The following ARHGEF6 variants were observed in gnomAD, a reference collection of about 807,000 sequenced individuals.
ARHGEF6 encodes the protein Rac/Cdc42 guanine nucleotide exchange factor 6, also known as rho guanine nucleotide exchange factor 6.
A neutral mutation model predicts 70.3 loss-of-function variants in ARHGEF6; 9 were observed. The observed-to-expected ratio is 0.13, with a 90% CI of 0.08 to 0.22. The LOEUF is 0.22. ARHGEF6 is among the 10% of genes least tolerant of loss of function. The pLI, the probability that ARHGEF6 is intolerant of heterozygous loss-of-function variation, is 1.00. For synonymous variants in ARHGEF6, 201 were observed against 207.8 expected (o/e 0.97, Z 0.28); for missense variants, 470 against 563.0 (o/e 0.83, Z 1.67).
intron 21 of ARHGEF6, among the ~76,000 whole-genome samples, chrX:136,668,371 T>C (rs1178873851): frequency 9.1e-6 from 1 of 110,301 alleles, no homozygotes; most frequent in Non-Finnish European, 1.9e-5. Flanking sequence ...CCTGCCCTGA[T>C]CCTCTTCTAA....
intron 5 of ARHGEF6, among the ~76,000 whole-genome samples, chrX:136,742,111 G>A (rs1298901991): frequency 2.7e-5 from 3 of 111,446 alleles, no homozygotes; most frequent in Non-Finnish European, 5.7e-5. Context: ...ACAAGGTCAG[G>A]AGATCAAGAC....
At chrX:136,705,254 T>C (rs1299043249) in intron 9 of ARHGEF6, among the ~76,000 whole-genome samples, 3 of 107,188 alleles carry the variant, frequency 2.8e-5, no homozygotes, top group East Asian at 2.9e-4. Flanking sequence ...GAGGTTGCAG[T>C]TGTGCTCCAG....
At chrX:136,701,864 C>T (rs766137338) in intron 9 of ARHGEF6, among the ~76,000 whole-genome samples, 21 of 108,445 alleles carry the variant, frequency 1.9e-4, no homozygotes, top group Admixed American at 1.6e-3. Flanking sequence ...CCCACCACCA[C>T]GCCCGGCTAA....
intron 19 of ARHGEF6, among the ~76,000 whole-genome samples, chrX:136,674,024 A>G (rs1247141430): frequency 9.0e-6 from 1 of 110,723 alleles, no homozygotes; most frequent in Non-Finnish European, 1.9e-5. Context: ...GCGCCATCAC[A>G]CCCGGCTAAC....
intron 2 of ARHGEF6, among the ~76,000 whole-genome samples, chrX:136,772,816 TTGTGCCACTGCAC>T (rs1250342533): frequency 8.9e-6 from 1 of 112,066 alleles, no homozygotes; most frequent in Non-Finnish European, 1.9e-5. Context: ...TGAGCCAAGA[TTGTGCCACTGCAC>T]TCCAGCCTGG....
chrX:136,777,761 T>TACACAC (rs376800070), intron 2 of ARHGEF6, among the ~76,000 whole-genome samples: 61 of 98,497 alleles, frequency 6.2e-4, no homozygotes, highest in Non-Finnish European at 9.2e-4. Flanking sequence ...TATGTATACA[T>TACACAC]ACACACACAC....
chrX:136,732,240 T>A (rs2076943182), intron 5 of ARHGEF6, 68 bp from the exon 6 acceptor site: 1 of 798,355 alleles, frequency 1.3e-6, no homozygotes, highest in African/African-American at 2.0e-5. Context: ...ATAACATGGG[T>A]CAACTAACAT....
chrX:136,765,597 G>C (rs1216434330), intron 2 of ARHGEF6, among the ~76,000 whole-genome samples: 1 of 112,412 alleles, frequency 8.9e-6, no homozygotes, highest in Non-Finnish European at 1.9e-5. Flanking sequence ...TAGGCAAAAA[G>C]AATAGAAAAA....
chrX:136,673,154 G>C (rs2076242325), intron 19 of ARHGEF6, among the ~76,000 whole-genome samples: 1 of 112,495 alleles, frequency 8.9e-6, no homozygotes, highest in Non-Finnish European at 1.9e-5. Context: ...AAGCAATCTA[G>C]AGATGATTTA....
At chrX:136,733,101 G>T (rs2076952086) in intron 5 of ARHGEF6, among the ~76,000 whole-genome samples, 1 of 106,860 alleles carries the variant, frequency 9.4e-6, no homozygotes, top group Non-Finnish European at 1.9e-5. Flanking sequence ...ATGACTAAAG[G>T]AAATCCTAGG....
At position 136,698,858 on chromosome X, in the gene ARHGEF6, G is replaced by A. The variant is rs192644743; in HGVS notation, c.1046+8050C>T. 2.6e-4 allele frequency among the ~76,000 whole-genome samples: 29 copies of A among 112,343 alleles called. No individual in the cohort carries two copies. The East Asian group carries it at 7.5e-3, about 29-fold the overall frequency. ...GGTAAATATGCAATTATGAAAGACA[G>A]TATAAATACATGCTTCTTCTTCTCT... is the stretch of plus-strand genomic sequence containing the variant. On this transcript the variant is annotated intron_variant, in intron 9 of 21. Coordinates refer to ENST00000250617, the MANE Select transcript of ARHGEF6 (RefSeq NM_004840.3).
At chrX:136,746,053 T>C (rs2077092528) in intron 3 of ARHGEF6, among the ~76,000 whole-genome samples, 1 of 112,193 alleles carries the variant, frequency 8.9e-6, no homozygotes, top group Non-Finnish European at 1.9e-5. Flanking sequence ...TCTCCATTTA[T>C]TTTTAAAAGA....
intron 6 of ARHGEF6, among the ~76,000 whole-genome samples, chrX:136,720,441 C>A (rs2076783563): frequency 9.2e-6 from 1 of 109,003 alleles, no homozygotes; most frequent in African/African-American, 3.3e-5. Context: ...AACATCCATT[C>A]ATGATTTTTT....
rs1252442800 is a variant in ARHGEF6 at position 136,722,498 on chromosome X, A to G, written c.733-9128T>C. On this transcript the variant is annotated intron_variant, in intron 6 of 21. Coordinates refer to ENST00000250617, the MANE Select transcript of ARHGEF6 (RefSeq NM_004840.3). ...ACAAAAATAATCAATTAAAGTTGGC[A>G]AAGAATTTGAATAGAAATTTCTCCA... is the stretch of plus-strand genomic sequence containing the variant. 4.5e-5 allele frequency among the ~76,000 whole-genome samples: 5 copies of G among 112,212 alleles called. No homozygotes were observed. The East Asian group carries it at 1.4e-3, about 31-fold the overall frequency.
At chrX:136,719,004 T>TA (rs35347859) in intron 6 of ARHGEF6, among the ~76,000 whole-genome samples, 11,243 of 60,020 alleles carry the variant, frequency 0.19, 1,671 homozygotes, top group African/African-American at 0.45. Flanking sequence ...TAATACTTGG[T>TA]AAAAAAAAAA....
chrX:136,694,180 G>A (rs765532456), intron 9 of ARHGEF6, among the ~76,000 whole-genome samples: 8 of 109,847 alleles, frequency 7.3e-5, no homozygotes, highest in Non-Finnish European at 1.5e-4. Context: ...AGCCTCCTGG[G>A]TAGCCGGGAC....
chrX:136,763,080 C>A (rs980382147), intron 2 of ARHGEF6, among the ~76,000 whole-genome samples: 2 of 112,245 alleles, frequency 1.8e-5, no homozygotes, highest in African/African-American at 6.5e-5. Flanking sequence ...GTTTTTCTGT[C>A]TCCTTTGCTG....
intron 16 of ARHGEF6, among the ~76,000 whole-genome samples, chrX:136,679,297 G>C (rs1223112374): frequency 8.9e-6 from 1 of 111,952 alleles, no homozygotes; most frequent in South Asian, 3.7e-4. Context: ...ACTTCAGGAG[G>C]AGACTGGGAA....
At chrX:136,752,680 G>T (rs2077164758) in intron 2 of ARHGEF6, among the ~76,000 whole-genome samples, 1 of 111,926 alleles carries the variant, frequency 8.9e-6, no homozygotes, top group Admixed American at 9.5e-5. Flanking sequence ...ATTATAATAG[G>T]TTCCATTACT....
Sources: gnomAD v4.1 joint callset for allele counts (sites outside exome capture counted in the v4.1 genomes callset) on GRCh38, gnomAD v4.1.1 for gene constraint, MANE v1.5 for transcripts, NCBI Gene and HGNC (gene_info 2026-07-23, HGNC 2026-07-21) for gene names.